TEX35: variants seen among roughly 807,000 people sequenced by gnomAD.
The protein encoded by TEX35 is testis expressed 35.
TEX35 carries 26 observed loss-of-function variants against 31.9 expected under a neutral mutation model. The ratio of observed to expected loss-of-function variants is 0.81; its 90% confidence interval spans 0.60 to 1.13. The LOEUF (loss-of-function observed/expected upper bound fraction) is 1.13. TEX35 is among the 50% of genes most tolerant of loss of function. TEX35 has a pLI of 0.00. For missense variants in TEX35, 278 were observed against 273.5 expected (o/e 1.02, Z -0.12); for synonymous variants, 87 against 90.7 (o/e 0.96, Z 0.23).
intron 3 of TEX35, 134 bp from the exon 4 acceptor site, chr1:178,515,725 A>T: frequency 1.4e-6 from 1 of 702,612 alleles, no homozygotes; most frequent in Non-Finnish European, 2.4e-6. Flanking sequence ...TGTCTCAACA[A>T]CATCTTTTCT....
chr1:178,521,008 G>A (rs1014345923), intron 7 of TEX35, 134 bp downstream of exon 7: 14 of 1,539,746 alleles, frequency 9.1e-6, no homozygotes, highest in Middle Eastern at 2.3e-4. Context: ...GGTGCCGCCC[G>A]AGCCTGCGCC....
In TEX35 at chr1:178,520,686, G is replaced by C. The variant is rs1172714985; in HGVS notation, c.355G>C (p.Ala119Pro). The C allele has an allele frequency of 6.2e-7, 1 of 1,613,798 alleles. No homozygotes were observed. The highest frequency in any genetic ancestry group is 2.2e-5 in the East Asian group (1 of 44,854). ...CTCCTCCCCCAGTCCCCTTAGAAGA[G>C]CACCAAAGGAGCAGCAGGAACTCAG... ...QKNYKLPLRRAPKEQQELRLM... is the reference protein window; with the variant it reads ...QKNYKLPLRRPPKEQQELRLM... The change falls in exon 7 of 9, where the codon GCA becomes CCA. Residue 119 changes from alanine to proline, a missense_variant. By Grantham distance (27) the Ala-to-Pro change is conservative (BLOSUM62 -1). Coordinates refer to ENST00000319416, the MANE Select transcript of TEX35 (RefSeq NM_032126.5).
downstream of TEX35, chr1:178,522,694 A>G (rs781716383): frequency 3.9e-5 from 46 of 1,175,546 alleles, no homozygotes; most frequent in Non-Finnish European, 4.9e-5. Context: ...TTGTGGGTTC[A>G]TAGTAGGTGT....
chr1:178,522,673 T>A (rs1650329507), downstream of TEX35: 1 of 1,224,370 alleles, frequency 8.2e-7, no homozygotes, highest in East Asian at 3.6e-5. Flanking sequence ...ATTTTATTAT[T>A]ATGGTTAATT....
At chr1:178,514,487 A>T (rs555105657) in intron 2 of TEX35, among the ~76,000 whole-genome samples, 103 of 152,206 alleles carry the variant, frequency 6.8e-4, no homozygotes, top group Non-Finnish European at 1.3e-3. Flanking sequence ...GGACAAAAGG[A>T]GCTGAGGCCC....
At chr1:178,514,317 C>A in intron 2 of TEX35, 1 of 1,373,462 alleles carries the variant, frequency 7.3e-7, no homozygotes, top group Non-Finnish European at 9.7e-7. Context: ...GGAGACATGT[C>A]TGAGTGGCTG....
Position 178,522,397 on chromosome 1 carries a change from G to A in TEX35, c.659G>A (p.Gly220Asp). 6.2e-7 allele frequency: 1 copy of A among 1,604,852 alleles called. No homozygotes were observed. The highest frequency in any genetic ancestry group is 1.3e-5 in the African/African-American group (1 of 74,964). The change falls in exon 9 of 9, where the codon GGC becomes GAC. Residue 220 changes from glycine to aspartate, a missense_variant. Coordinates refer to ENST00000319416, the MANE Select transcript of TEX35 (RefSeq NM_032126.5). ...CCAGTGACCACCCAACCTTCTGTGG[G>A]CCACGCTGTGCCTGCCCCAAAGTCC... ...EEPVTTQPSV[G>D]HAVPAPKSQT...
chr1:178,520,686 G>GCAC lies in TEX35; in HGVS notation c.358_360dup (p.Pro120dup). On this transcript the variant is annotated inframe_insertion, in exon 7 of 9. Coordinates refer to ENST00000319416, the MANE Select transcript of TEX35 (RefSeq NM_032126.5). ...CTCCTCCCCCAGTCCCCTTAGAAGA[G>GCAC]CACCAAAGGAGCAGCAGGAACTCAG... The GCAC allele has an allele frequency of 6.2e-7, 1 of 1,613,798 alleles. No homozygotes were observed. The highest frequency in any genetic ancestry group is 1.1e-5 in the South Asian group (1 of 91,048).
At chr1:178,516,067 A>G (rs951476610) in intron 4 of TEX35, 152 bp downstream of exon 4, 3 of 673,588 alleles carry the variant, frequency 4.5e-6, no homozygotes, top group Non-Finnish European at 7.6e-6. Context: ...TAGGTTATTC[A>G]CTTCTTACTT....
intron 5 of TEX35, among the ~76,000 whole-genome samples, chr1:178,517,409 C>T (rs1376155675): frequency 4.6e-5 from 7 of 152,110 alleles, no homozygotes; most frequent in African/African-American, 1.2e-4. Flanking sequence ...CAGGGTGGGC[C>T]GGAGTTGCTT....
intron 6 of TEX35, 48 bp from the exon 7 acceptor site, chr1:178,520,625 C>T: frequency 6.2e-7 from 1 of 1,600,712 alleles, no homozygotes; most frequent in Non-Finnish European, 8.5e-7. Context: ...TGTCATGCTG[C>T]AAAATGTCTC....
downstream of TEX35, chr1:178,523,342 C>T (rs1422823290): frequency 1.4e-6 from 1 of 690,600 alleles, no homozygotes; most frequent in Non-Finnish European, 2.6e-6. Flanking sequence ...TATGGTAGCT[C>T]AATTTTTAGT....
intron 6 of TEX35, 35 bp from the exon 7 acceptor site, chr1:178,520,638 C>T (rs779893814): frequency 3.7e-6 from 6 of 1,606,606 alleles, no homozygotes; most frequent in South Asian, 1.1e-5. Flanking sequence ...AATGTCTCCC[C>T]AACTCTCTGC....
chr1:178,522,581 A>G lies in TEX35; in HGVS notation c.*141A>G. ...GGGATTTCATATTTTATTTCACACC[A>G]GTTCCTCCTTGTTTCATCTCTTTGC... is the stretch of plus-strand genomic sequence containing the variant. On this transcript the variant is annotated 3_prime_UTR_variant, in exon 9 of 9. Transcript: ENST00000319416. 7.5e-7 allele frequency: 1 copy of G among 1,340,688 alleles called. No individual in the cohort carries two copies. The highest frequency in any genetic ancestry group is 9.6e-7 in the Non-Finnish European group (1 of 1,043,514). 83.0% of individuals were successfully genotyped at this position (1,340,688 alleles called of 1,614,324 possible).
At position 178,515,925 on chromosome 1, in the gene TEX35, T is replaced by C. The variant is rs369608283; in HGVS notation, c.216+10T>C. The C allele has an allele frequency of 1.9e-6, 3 of 1,606,494 alleles. No homozygotes were observed. The highest frequency in any genetic ancestry group is 2.6e-6 in the Non-Finnish European group (3 of 1,173,670). ...GGAGGAGATAAAACAGGTAAGAAGA[T>C]GAGGCCTTCCATATCATGGAGGGAA... On this transcript the variant is annotated intron_variant, in intron 4 of 8. Coordinates refer to ENST00000319416, the MANE Select transcript of TEX35 (RefSeq NM_032126.5).
At chr1:178,513,949 T>A in intron 1 of TEX35, 78 bp from the exon 2 acceptor site, 3 of 1,538,688 alleles carry the variant, frequency 1.9e-6, no homozygotes, top group South Asian at 1.2e-5. Context: ...GGGGGCAGGG[T>A]TCCCGTGCAA....
chr1:178,516,733 A>T (rs1225625979), intron 5 of TEX35, 59 bp downstream of exon 5: 1 of 1,210,766 alleles, frequency 8.3e-7, no homozygotes, highest in Non-Finnish European at 1.2e-6. Context: ...TGTGGAAGAG[A>T]CACCAGCAGA....
In TEX35 at chr1:178,520,386, T is replaced by C. The variant is rs1323735583; in HGVS notation, c.291T>C (p.Asp97=). Residue 97 remains aspartate, a synonymous_variant, in exon 6 of 9, where the codon GAT becomes GAC. Transcript: ENST00000319416. ...CTCTCTCGAAGGAAATGCAGAAAGA[T>C]ATGGATGAGAAGATGGACATTTTAA... is the stretch of plus-strand genomic sequence containing the variant. ...FVEIMKEMQK[D]MDEKMDILIN... The C allele has an allele frequency of 1.2e-6, 2 of 1,613,984 alleles. No individual in the cohort carries two copies. The highest frequency in any genetic ancestry group is 1.7e-6 in the Non-Finnish European group (2 of 1,179,984).
In TEX35 at chr1:178,520,428, C is replaced by A. The variant is rs1254963116; in HGVS notation, c.333C>A (p.Asn111Lys). Residue 111 changes from asparagine (N) to lysine (K), a missense_variant, in exon 6 of 9, where the codon AAC becomes AAA. Transcript: ENST00000319416. ...KMDILINTQK[N>K]YKLPLRRAPK... is the part of the protein sequence containing the mutation. ...ACATTTTAATAAATACACAGAAGAA[C>A]TATAAGCTGTAAGTGTAACCTGCAC... The A allele has an allele frequency of 6.2e-7, 1 of 1,614,088 alleles. No individual in the cohort carries two copies. Among genetic ancestry groups the A allele is most frequent in the South Asian group, 1.1e-5 (1 of 91,058 alleles).
Sources: allele counts gnomAD v4.1 joint callset (sites outside exome capture counted in the v4.1 genomes callset), GRCh38; gene constraint gnomAD v4.1.1; transcripts MANE v1.5; gene names NCBI Gene and HGNC (gene_info 2026-07-23, HGNC 2026-07-21).